FBXO36: variants seen among roughly 807,000 people sequenced by gnomAD.
FBXO36 encodes the protein F-box protein 36, also known as F-box only protein 36.
In FBXO36, 18 loss-of-function variants were observed where a neutral mutation model predicts 17.0. The observed-to-expected ratio is 1.06, with a 90% confidence interval of 0.73 to 1.57. FBXO36 has a LOEUF of 1.57. Ranked by LOEUF, FBXO36 falls within the 40% of genes most tolerant of loss-of-function variation. The pLI, the probability that FBXO36 is intolerant of heterozygous loss-of-function variation, is 0.00. For synonymous variants in FBXO36, 83 were observed against 85.3 expected (o/e 0.97, Z 0.15); for missense variants, 229 against 221.9 (o/e 1.03, Z -0.20).
intron 1 of FBXO36, among the ~76,000 whole-genome samples, chr2:229,924,195 C>T (rs945565324): frequency 1.3e-5 from 2 of 152,214 alleles, no homozygotes; most frequent in Admixed American, 1.3e-4. Context: ...TGGGTTCAAG[C>T]GATTCTCCTG....
At chr2:230,000,929 C>T (rs575693148) in intron 3 of FBXO36, among the ~76,000 whole-genome samples, 14 of 144,782 alleles carry the variant, frequency 9.7e-5, no homozygotes, top group Admixed American at 5.7e-4. Flanking sequence ...GATCTCAGCT[C>T]ATGCAACCTC....
intron 1 of FBXO36, among the ~76,000 whole-genome samples, chr2:229,931,565 G>A (rs1348596192): frequency 6.6e-6 from 1 of 152,184 alleles, no homozygotes; most frequent in African/African-American, 2.4e-5. Flanking sequence ...TTCACGACCG[G>A]CATGTTGGCT....
At chr2:229,962,764 G>A (rs1048376960) in intron 1 of FBXO36, among the ~76,000 whole-genome samples, 8 of 151,438 alleles carry the variant, frequency 5.3e-5, no homozygotes, top group Non-Finnish European at 2.9e-5. Flanking sequence ...TTCAACCTCC[G>A]CCTCCTGGGT....
In FBXO36 at chr2:229,935,472, C is replaced by A. The variant is rs564336185; in HGVS notation, c.96+12863C>A. Among the ~76,000 whole-genome samples, 3 of 152,220 alleles carry A rather than the reference C, an allele frequency of 2.0e-5. No individual in the cohort carries two copies. The East Asian group carries it at 5.8e-4, about 29-fold the overall frequency. ...AGGTTGCAGCGAGCCAAGATCGCAC[C>A]ATCACACTCCAGCCTGGGCAACAAG... On this transcript the variant is annotated intron_variant, in intron 1 of 3. Transcript: ENST00000283946.
intron 3 of FBXO36, among the ~76,000 whole-genome samples, chr2:230,000,677 T>C (rs2077353707): frequency 6.6e-6 from 1 of 152,056 alleles, no homozygotes; most frequent in South Asian, 2.1e-4. Flanking sequence ...GTCCTGCTAT[T>C]ATTTCAGTGC....
At chr2:229,936,285 C>T (rs1394082895) in intron 1 of FBXO36, among the ~76,000 whole-genome samples, 1 of 152,182 alleles carries the variant, frequency 6.6e-6, no homozygotes, top group Non-Finnish European at 1.5e-5. Context: ...TTGCTGTGGC[C>T]AGAGTCACAG....
intron 3 of FBXO36, among the ~76,000 whole-genome samples, chr2:229,998,036 C>T (rs768164035): frequency 2.0e-5 from 3 of 152,108 alleles, no homozygotes; most frequent in Non-Finnish European, 4.4e-5. Flanking sequence ...CTGACTAGCT[C>T]GGTATTTAGC....
Position 230,009,179 on chromosome 2 carries a change from G to A in FBXO36, c.379-1517G>A, listed in dbSNP as rs116190621. Among the ~76,000 whole-genome samples, 1,393 of 152,252 alleles carry A rather than the reference G, an allele frequency of 9.1e-3. 17 individuals are homozygous for A. The highest frequency in any genetic ancestry group is 0.032 in the African/African-American group (1,317 of 41,524). On this transcript the variant is annotated intron_variant, in intron 3 of 3. Coordinates refer to ENST00000283946, the MANE Select transcript of FBXO36 (RefSeq NM_174899.5). ...TTCTTCCTCCCCAGGAGGAAGTCAGGACACAGGGGGGCACAGCACAACAGG... is the reference window on the plus strand; with the variant it reads ...TTCTTCCTCCCCAGGAGGAAGTCAGAACACAGGGGGGCACAGCACAACAGG...
intron 2 of FBXO36, among the ~76,000 whole-genome samples, chr2:229,995,022 G>A (rs1019192288): frequency 1.3e-5 from 2 of 152,200 alleles, no homozygotes; most frequent in East Asian, 1.9e-4. Context: ...GCTGAGGCAG[G>A]AGAATTGCTT....
At chr2:229,995,588 C>CT (rs1560454291) in intron 2 of FBXO36, among the ~76,000 whole-genome samples, 16 of 121,346 alleles carry the variant, frequency 1.3e-4, no homozygotes, top group Admixed American at 2.6e-4. Flanking sequence ...CTTTCTCTTT[C>CT]TTTCTTTCTT....
At chr2:229,960,322 C>T (rs1003361491) in intron 1 of FBXO36, among the ~76,000 whole-genome samples, 4 of 152,112 alleles carry the variant, frequency 2.6e-5, no homozygotes, top group South Asian at 2.1e-4. Context: ...GGACTACATA[C>T]AGGCCCACGG....
intron 2 of FBXO36, among the ~76,000 whole-genome samples, chr2:229,983,458 C>A (rs1410708442): frequency 6.6e-6 from 1 of 151,694 alleles, no homozygotes; most frequent in Non-Finnish European, 1.5e-5. Context: ...ACCACCATGC[C>A]CAGCCAATTT....
chr2:229,980,125 G>A (rs773269338), intron 2 of FBXO36, among the ~76,000 whole-genome samples: 1 of 151,966 alleles, frequency 6.6e-6, no homozygotes, highest in Non-Finnish European at 1.5e-5. Flanking sequence ...TCAGCTCACT[G>A]CAACCTCCAC....
intron 1 of FBXO36, among the ~76,000 whole-genome samples, chr2:229,961,313 A>G (rs1488275415): frequency 6.6e-6 from 1 of 152,090 alleles, no homozygotes; most frequent in Non-Finnish European, 1.5e-5. Context: ...TTACTTTCTA[A>G]TATATTGCAA....
intron 2 of FBXO36, among the ~76,000 whole-genome samples, chr2:229,986,191 G>A (rs2077266719): frequency 6.6e-6 from 1 of 152,104 alleles, no homozygotes; most frequent in African/African-American, 2.4e-5. Flanking sequence ...ATACATACAA[G>A]AATATGTTAT....
intron 1 of FBXO36, among the ~76,000 whole-genome samples, chr2:229,954,770 A>G (rs1379254266): frequency 2.2e-5 from 3 of 139,488 alleles, no homozygotes; most frequent in African/African-American, 8.2e-5. Flanking sequence ...GATGGACTCA[A>G]TCTCCTGACC....
intron 2 of FBXO36, chr2:229,976,674 C>A (rs2077210334): frequency 1.5e-5 from 3 of 200,686 alleles, no homozygotes; most frequent in African/African-American, 2.4e-5. Flanking sequence ...CAAAAATTAG[C>A]CGGGCATGTT....
intron 2 of FBXO36, among the ~76,000 whole-genome samples, chr2:229,979,104 A>T (rs1317563040): frequency 6.6e-6 from 1 of 150,448 alleles, no homozygotes; most frequent in Non-Finnish European, 1.5e-5. Flanking sequence ...TGGGAGGTGG[A>T]GGTTGAAGTG....
chr2:229,935,412 T>G (rs901832493), intron 1 of FBXO36, among the ~76,000 whole-genome samples: 1 of 151,184 alleles, frequency 6.6e-6, no homozygotes, highest in Non-Finnish European at 1.5e-5. Context: ...ACTTGGGAGG[T>G]TGAGGCAGGA....
Sources: gnomAD v4.1 joint callset for allele counts (sites outside exome capture counted in the v4.1 genomes callset) on GRCh38, gnomAD v4.1.1 for gene constraint, MANE v1.5 for transcripts, NCBI Gene and HGNC (gene_info 2026-07-23, HGNC 2026-07-21) for gene names.